Variants in CACNA1C observed in about 807,000 individuals in gnomAD.
CACNA1C encodes the protein voltage-dependent L-type calcium channel subunit alpha-1C.
Under a neutral mutation model 229.0 loss-of-function variants are expected in CACNA1C, and 30 were observed. The observed-to-expected ratio is 0.13, with a 90% CI of 0.10 to 0.18. The LOEUF (loss-of-function observed/expected upper bound fraction) is 0.18, where lower values mean the gene tolerates loss of function less well. Among genes scored for constraint, CACNA1C ranks in the 10% least tolerant of loss-of-function variants. CACNA1C has a pLI of 1.00. For missense variants in CACNA1C, 1,658 were observed against 2,845.0 expected (o/e 0.58, Z 9.49); for synonymous variants, 1,114 against 1,132.5 (o/e 0.98, Z 0.33).
intron 1 of CACNA1C, among the ~76,000 whole-genome samples, chr12:2,038,187 T>C (rs1017781603): frequency 6.6e-6 from 1 of 152,212 alleles, no homozygotes. Flanking sequence ...TGTTAGTGAC[T>C]TAGGATTTGC....
chr12:2,528,642 G>A (rs1314251047), intron 9 of CACNA1C, among the ~76,000 whole-genome samples: 2 of 152,188 alleles, frequency 1.3e-5, no homozygotes, highest in African/African-American at 2.4e-5. Flanking sequence ...CGGAGAAAGC[G>A]TTTGTTCACA....
At chr12:2,315,382 G>A (rs796447072) in intron 3 of CACNA1C, among the ~76,000 whole-genome samples, 30 of 152,156 alleles carry the variant, frequency 2.0e-4, no homozygotes, top group African/African-American at 6.3e-4. Context: ...ATGACAACAC[G>A]GAACCAGCCT....
chr12:2,025,364 A>G (rs1447479801), intron 1 of CACNA1C, among the ~76,000 whole-genome samples: 1 of 152,158 alleles, frequency 6.6e-6, no homozygotes, highest in Non-Finnish European at 1.5e-5. Flanking sequence ...GTTGACATCC[A>G]TTAGGTGAGT....
At position 2,615,199 on chromosome 12, in the gene CACNA1C, G is replaced by A. The variant is rs145115103; in HGVS notation, c.3828+3186G>A. On this transcript the variant is annotated intron_variant, in intron 29 of 46. Transcript: ENST00000399655. The stretch of plus-strand genomic sequence containing the variant: ...ACTGGATGGCCCCTGCACCCCACAC[G>A]AAGGTGCAGGACCAGGCTGGGCAGC... Among the ~76,000 whole-genome samples, 508 of 152,330 alleles carry A rather than the reference G, an allele frequency of 3.3e-3. 1 individual carries two copies. Among genetic ancestry groups the A allele is most frequent in the African/African-American group, 0.011 (473 of 41,570 alleles).
Position 2,665,134 on chromosome 12 carries a change from G to T in CACNA1C, c.4398+144G>T. 1 of 774,552 alleles carries T rather than the reference G, an allele frequency of 1.3e-6. No individual in the cohort carries two copies. Among genetic ancestry groups the T allele is most frequent in the East Asian group, 2.7e-5 (1 of 37,532 alleles). 48.0% of individuals were successfully genotyped at this position (774,552 alleles called of 1,614,324 possible). A position where few individuals can be genotyped will look rare whatever the true frequency, so the allele number is the denominator to read the frequency against. ...AAGACTAAGTTGGCAGGAGTGTCCA[G>T]CCACATGGAGAGAAAGGCAGAAAGC... On this transcript the variant is annotated intron_variant, in intron 35 of 46. Coordinates refer to ENST00000399655, the MANE Select transcript of CACNA1C (RefSeq NM_000719.7). The surrounding 1 kb of genome is among the most constrained non-coding windows in gnomAD (Gnocchi z 5.9).
At chr12:2,027,492 T>G (rs941315375) in intron 1 of CACNA1C, among the ~76,000 whole-genome samples, 4 of 152,246 alleles carry the variant, frequency 2.6e-5, no homozygotes, top group African/African-American at 9.6e-5. Context: ...AATATATTCC[T>G]GTTTGTCTTG....
chr12:2,338,507 A>T lies in CACNA1C; in HGVS notation c.478-110469A>T, dbSNP rs141264988. ...CCCCACCCCCACCCCCATGAAGCTGATACAGCTGGAACCATGGTCCCCCTC... is the reference window on the plus strand; with the variant it reads ...CCCCACCCCCACCCCCATGAAGCTGTTACAGCTGGAACCATGGTCCCCCTC... On this transcript the variant is annotated intron_variant, in intron 3 of 46. Transcript: ENST00000399655. 4.3e-3 allele frequency among the ~76,000 whole-genome samples: 530 copies of T among 123,208 alleles called. 4 individuals carry two copies. The highest frequency in any genetic ancestry group is 6.4e-3 in the Non-Finnish European group (394 of 61,146). The allele number at this position is 123,208 out of a possible 152,430, so 80.8% of individuals were successfully genotyped here. A position where few individuals can be genotyped will look rare whatever the true frequency, so the allele number is the denominator to read the frequency against.
In CACNA1C at chr12:2,692,633, T is replaced by C. The variant is rs2097800778; in HGVS notation, c.*1434T>C. 6.6e-6 allele frequency: 1 copy of C among 152,554 alleles called. No individual in the cohort carries two copies. The highest frequency in any genetic ancestry group is 2.1e-4 in the South Asian group (1 of 4,824). The allele number at this position is 152,554 out of a possible 1,614,324, so 9.5% of individuals were successfully genotyped here. ...AATAATATTCATTTAAAAATACAAT[T>C]GTGAGTTGTGTTGGCATTAAAACTG... On this transcript the variant is annotated 3_prime_UTR_variant, in exon 47 of 47. Transcript: ENST00000399655.
chr12:2,257,921 G>A (rs1382148534), intron 3 of CACNA1C, among the ~76,000 whole-genome samples: 2 of 152,108 alleles, frequency 1.3e-5, no homozygotes, highest in Non-Finnish European at 2.9e-5. Flanking sequence ...CTACAGAAGC[G>A]GCATTTTCAT....
intron 3 of CACNA1C, among the ~76,000 whole-genome samples, chr12:2,430,958 C>T (rs549062183): frequency 1.6e-4 from 25 of 152,288 alleles, no homozygotes; most frequent in African/African-American, 5.1e-4. Context: ...TCTCTGTGGG[C>T]GGCTTCAGGC....
At chr12:2,684,125 C>A (rs1205422413) in intron 43 of CACNA1C, among the ~76,000 whole-genome samples, 1 of 152,200 alleles carries the variant, frequency 6.6e-6, no homozygotes, top group Non-Finnish European at 1.5e-5. Flanking sequence ...GCACAGCATG[C>A]GGCTTCCTGG....
Position 2,575,258 on chromosome 12 carries a change from G to A in CACNA1C, c.1896-6332G>A, listed in dbSNP as rs2057984301. Reference sequence around the variant, plus strand: ...CCTGCTAGAATGGACGGGAGCAGGGGCAGGTACCAGTAGAAACTGAACCGG... The same window carrying A: ...CCTGCTAGAATGGACGGGAGCAGGGACAGGTACCAGTAGAAACTGAACCGG... On this transcript the variant is annotated intron_variant, in intron 13 of 46. Transcript: ENST00000399655. This position sits in a 1 kb window ranked among gnomAD's most constrained non-coding sequence, Gnocchi z 4.0. Among the ~76,000 whole-genome samples, 1 of 152,246 alleles carries A rather than the reference G, an allele frequency of 6.6e-6. No homozygotes were observed. Among genetic ancestry groups the A allele is most frequent in the African/African-American group, 2.4e-5 (1 of 41,470 alleles).
At chr12:2,466,712 C>G (rs1467207668) in intron 5 of CACNA1C, among the ~76,000 whole-genome samples, 3 of 152,196 alleles carry the variant, frequency 2.0e-5, no homozygotes, top group African/African-American at 4.8e-5. Context: ...CTGCATTCAC[C>G]CGGACAAGCC....
chr12:2,668,279 G>A (rs1460178405), intron 37 of CACNA1C, among the ~76,000 whole-genome samples: 1 of 152,152 alleles, frequency 6.6e-6, no homozygotes, highest in Admixed American at 6.5e-5. Context: ...ACATCCTTTT[G>A]TGGAAGTGAA....
At chr12:2,496,196 T>C (rs1476230289) in intron 7 of CACNA1C, among the ~76,000 whole-genome samples, 1 of 152,210 alleles carries the variant, frequency 6.6e-6, no homozygotes, top group Non-Finnish European at 1.5e-5. Flanking sequence ...AGGCTGGAGT[T>C]TGAAAACGCT....
chr12:2,644,481 TA>T lies in CACNA1C; in HGVS notation c.3913-3988del, dbSNP rs368310519. ...TGTGCTTTAAAAAAATAATAATTTTTAAAAAACTTTTTTTCGTATGGTGAAG... is the reference window on the plus strand; with the variant it reads ...TGTGCTTTAAAAAAATAATAATTTTTAAAAACTTTTTTTCGTATGGTGAAG... On this transcript the variant is annotated intron_variant, in intron 30 of 46. Coordinates refer to ENST00000399655, the MANE Select transcript of CACNA1C (RefSeq NM_000719.7). Among the ~76,000 whole-genome samples, 27 of 152,352 alleles carry T rather than the reference TA, an allele frequency of 1.8e-4. No homozygotes were observed. The East Asian group carries it at 5.2e-3, about 29-fold the overall frequency.
chr12:2,410,028 C>T lies in CACNA1C; in HGVS notation c.478-38948C>T, dbSNP rs918846694. On this transcript the variant is annotated intron_variant, in intron 3 of 46. Transcript: ENST00000399655. This position sits in a 1 kb window ranked among gnomAD's most constrained non-coding sequence, Gnocchi z 5.3. ...AGGAACGCAAACAGAGGAGAATTTT[C>T]GCTCGGGGTGGGAATGAATCATCCT... Among the ~76,000 whole-genome samples the T allele has an allele frequency of 1.3e-5, 2 of 152,306 alleles. No individual in the cohort carries two copies. Among genetic ancestry groups the T allele is most frequent in the East Asian group, 1.9e-4 (1 of 5,176 alleles).
chr12:2,204,712 A>G (rs1350446864), intron 3 of CACNA1C, among the ~76,000 whole-genome samples: 1 of 144,046 alleles, frequency 6.9e-6, no homozygotes, highest in African/African-American at 2.5e-5. Flanking sequence ...TAAACACTGC[A>G]TATTCTCACT....
intron 38 of CACNA1C, among the ~76,000 whole-genome samples, chr12:2,672,591 A>G (rs2096613805): frequency 6.6e-6 from 1 of 152,184 alleles, no homozygotes; most frequent in Admixed American, 6.5e-5. Flanking sequence ...ACTGGCTCAC[A>G]GCACATCACG....
Sources: gnomAD v4.1 joint callset for allele counts (sites outside exome capture counted in the v4.1 genomes callset) on GRCh38, gnomAD v4.1.1 for gene constraint, Gnocchi (gnomAD v3.1) non-coding constraint, MANE v1.5 for transcripts, NCBI Gene and HGNC (gene_info 2026-07-23, HGNC 2026-07-21) for gene names.